Variants in CDR2 observed in about 807,000 individuals in gnomAD.
The protein encoded by CDR2 is cerebellar degeneration related protein 2.
A neutral mutation model predicts 48.4 loss-of-function variants in CDR2; 34 were observed. The ratio of observed to expected loss-of-function variants is 0.70; its 90% CI spans 0.53 to 0.94. The LOEUF (loss-of-function observed/expected upper bound fraction) is 0.94. CDR2 is among the 40% of genes least tolerant of loss of function. The pLI, the probability that CDR2 is intolerant of heterozygous loss-of-function variation, is 0.00. For synonymous variants in CDR2, 240 were observed against 219.7 expected, an observed-to-expected ratio of 1.09 and a Z score of -0.82; for missense variants, 498 against 549.5, an observed-to-expected ratio of 0.91 and a Z score of 0.94.
chr16:22,351,509 G>A (rs981136265), intron 2 of CDR2, among the ~76,000 whole-genome samples: 13 of 152,034 alleles, frequency 8.6e-5, no homozygotes, highest in Non-Finnish European at 1.3e-4. Context: ...TTTCTATGTG[G>A]AGGATCTTAA....
chr16:22,347,892 A>T, intron 4 of CDR2, 69 bp from the exon 5 acceptor site: 1 of 1,397,916 alleles, frequency 7.2e-7, no homozygotes, highest in Non-Finnish European at 9.6e-7. Context: ...AAGACTGGTG[A>T]TTTTTTTTCA....
At chr16:22,363,107 A>AT (rs1376078255) in intron 2 of CDR2, among the ~76,000 whole-genome samples, 3 of 151,778 alleles carry the variant, frequency 2.0e-5, no homozygotes, top group East Asian at 3.9e-4. Flanking sequence ...TGCTTGCCAT[A>AT]TTTTTTGTAT....
intron 1 of CDR2, among the ~76,000 whole-genome samples, chr16:22,369,205 G>GCCTCA (rs2049060857): frequency 6.6e-6 from 1 of 151,814 alleles, no homozygotes; most frequent in African/African-American, 2.4e-5. Context: ...CAGCACTTTG[G>GCCTCA]GACGCCAAGG....
intron 2 of CDR2, among the ~76,000 whole-genome samples, chr16:22,351,053 C>T (rs1469797246): frequency 6.6e-6 from 1 of 152,152 alleles, no homozygotes; most frequent in Non-Finnish European, 1.5e-5. Context: ...TGATGTTCCC[C>T]ACCCTGTGCC....
intron 4 of CDR2, 25 bp from the exon 5 acceptor site, chr16:22,347,848 T>C (rs1294828684): frequency 1.3e-6 from 2 of 1,573,896 alleles, no homozygotes; most frequent in South Asian, 2.3e-5. Context: ...ATTGAAAGAA[T>C]ATATTACACA....
chr16:22,373,913 G>A (rs1010272524), intron 1 of CDR2, among the ~76,000 whole-genome samples: 2 of 152,226 alleles, frequency 1.3e-5, no homozygotes, highest in Admixed American at 6.5e-5. Context: ...TGGCTCACCC[G>A]GGTCTGCCTC....
chr16:22,350,777 A>G (rs1186497236), intron 2 of CDR2, among the ~76,000 whole-genome samples: 1 of 152,218 alleles, frequency 6.6e-6, no homozygotes, highest in Admixed American at 6.5e-5. Context: ...AAAAAATCTA[A>G]AGTGAGACAT....
chr16:22,348,336 A>C (rs1801609252), intron 4 of CDR2, among the ~76,000 whole-genome samples: 1 of 152,158 alleles, frequency 6.6e-6, no homozygotes, highest in East Asian at 1.9e-4. Flanking sequence ...TTTTTGTGAC[A>C]AATCTTTTTT....
At chr16:22,369,339 C>T (rs1231902541) in intron 1 of CDR2, among the ~76,000 whole-genome samples, 1 of 151,812 alleles carries the variant, frequency 6.6e-6, no homozygotes, top group African/African-American at 2.4e-5. Context: ...AAACCTCTCC[C>T]AGAATCCAGA....
intron 1 of CDR2, among the ~76,000 whole-genome samples, chr16:22,369,815 G>A (rs1020269439): frequency 6.6e-6 from 1 of 151,736 alleles, no homozygotes; most frequent in East Asian, 1.9e-4. Context: ...ATAGAATATT[G>A]AATGTCCCTT....
Position 22,346,832 on chromosome 16 carries a change from AT to A in CDR2, c.*132del, listed in dbSNP as rs1160455510. On this transcript the variant is annotated 3_prime_UTR_variant, in exon 5 of 5. Coordinates refer to ENST00000268383, the MANE Select transcript of CDR2 (RefSeq NM_001802.2). Reference sequence around the variant, plus strand: ...GCCACCTCCTTTCCTCGTTGTATGCATTTGCTAAATAAGCAAAGCAATGAGG... The same window carrying A: ...GCCACCTCCTTTCCTCGTTGTATGCATTGCTAAATAAGCAAAGCAATGAGG... 1 of 965,710 alleles carries A rather than the reference AT, an allele frequency of 1.0e-6. No individual in the cohort carries two copies. Among genetic ancestry groups the A allele is most frequent in the African/African-American group, 1.6e-5 (1 of 61,122 alleles). 59.8% of individuals were successfully genotyped at this position (965,710 alleles called of 1,614,324 possible).
chr16:22,353,397 C>A (rs2048955283), intron 2 of CDR2, among the ~76,000 whole-genome samples: 1 of 152,096 alleles, frequency 6.6e-6, no homozygotes, highest in Non-Finnish European at 1.5e-5. Context: ...AACTGGGTAA[C>A]CTACAGCAAG....
chr16:22,358,654 C>G (rs530433836), intron 2 of CDR2, among the ~76,000 whole-genome samples: 4 of 152,252 alleles, frequency 2.6e-5, no homozygotes, highest in African/African-American at 9.6e-5. Flanking sequence ...TTAAGGATTA[C>G]AGCCTAAATC....
intron 1 of CDR2, among the ~76,000 whole-genome samples, chr16:22,366,245 G>A (rs1260852974): frequency 2.0e-5 from 3 of 152,118 alleles, no homozygotes; most frequent in African/African-American, 7.2e-5. Flanking sequence ...ATGCATGCAT[G>A]CATATACTCA....
intron 1 of CDR2, 38 bp downstream of exon 1, chr16:22,374,193 C>T: frequency 2.8e-6 from 4 of 1,439,694 alleles, no homozygotes; most frequent in Non-Finnish European, 3.8e-6. Flanking sequence ...CCTCCCGGGC[C>T]AGGCCGCCGC....
At chr16:22,364,856 A>G (rs750856596) in intron 2 of CDR2, 46 bp downstream of exon 2, 1 of 1,089,810 alleles carries the variant, frequency 9.2e-7, no homozygotes, top group South Asian at 1.3e-5. Flanking sequence ...CATAACAGCA[A>G]CACATCGAAG....
intron 2 of CDR2, 151 bp from the exon 3 acceptor site, chr16:22,350,000 C>G: frequency 3.0e-6 from 2 of 659,224 alleles, no homozygotes; most frequent in Non-Finnish European, 2.6e-6. Flanking sequence ...ACCAGCCTGA[C>G]CAACATGCTG....
intron 2 of CDR2, among the ~76,000 whole-genome samples, chr16:22,359,749 C>T (rs771100410): frequency 2.0e-5 from 3 of 152,138 alleles, no homozygotes; most frequent in Non-Finnish European, 4.4e-5. Flanking sequence ...TTCTGCCTGC[C>T]TTAAAAATCT....
chr16:22,367,914 G>A (rs2049053241), intron 1 of CDR2, among the ~76,000 whole-genome samples: 1 of 152,252 alleles, frequency 6.6e-6, no homozygotes, highest in East Asian at 1.9e-4. Flanking sequence ...ATGTCTATTA[G>A]TCATTACATT....
Sources: gnomAD v4.1 joint callset for allele counts (sites outside exome capture counted in the v4.1 genomes callset) on GRCh38, gnomAD v4.1.1 for gene constraint, MANE v1.5 for transcripts, NCBI Gene and HGNC (gene_info 2026-07-23, HGNC 2026-07-21) for gene names.